The following IL19 variants were observed in gnomAD, a reference collection of about 807,000 sequenced individuals.
The protein encoded by IL19 is interleukin-19.
IL19 carries 15 observed loss-of-function variants against 19.5 expected under a neutral mutation model. The observed-to-expected ratio is 0.77, with a 90% CI of 0.52 to 1.19. IL19 has a LOEUF of 1.19. Among genes scored for constraint, IL19 ranks in the 50% most tolerant of loss-of-function variants. The pLI is 0.00. For missense variants in IL19, 199 were observed against 213.1 expected (o/e 0.93, Z 0.41); for synonymous variants, 78 against 78.3 (o/e 1.00, Z 0.02).
chr1:206,793,465 C>G (rs1054680851), intron 1 of IL19, among the ~76,000 whole-genome samples: 1 of 152,176 alleles, frequency 6.6e-6, no homozygotes, highest in Non-Finnish European at 1.5e-5. Flanking sequence ...GCCTGGCAGT[C>G]GTGCTCTGAT....
rs1293676225 is a variant in IL19 at position 206,842,942 on chromosome 1, G to A, written c.*320G>A. On this transcript the variant is annotated 3_prime_UTR_variant, in exon 7 of 7. Transcript: ENST00000659997. ...GATATCCTGTAGTACACATTGTACT[G>A]AGTGGTTTTTCTGAATAAATTCCAT... 5.6e-6 allele frequency: 1 copy of A among 179,384 alleles called. No homozygotes were observed. The highest frequency in any genetic ancestry group is 1.2e-5 in the Non-Finnish European group (1 of 85,918). 11.1% of individuals were successfully genotyped at this position (179,384 alleles called of 1,614,324 possible). A position where few individuals can be genotyped will look rare whatever the true frequency, so the allele number is the denominator to read the frequency against.
chr1:206,805,563 A>G (rs1301277100), intron 2 of IL19, among the ~76,000 whole-genome samples: 1 of 152,266 alleles, frequency 6.6e-6, no homozygotes, highest in Non-Finnish European at 1.5e-5. Flanking sequence ...CCAAAATGGA[A>G]GCCATAGCTT....
At chr1:206,781,918 TAGTTATATATACATATATATGTATATA>T (rs1675146938) in intron 1 of IL19, among the ~76,000 whole-genome samples, 19 of 106,740 alleles carry the variant, frequency 1.8e-4, no homozygotes, top group African/African-American at 6.6e-4. Context: ...TATATGTATA[TAGTTATATATACATATATATGTATATA>T]GTTATATATA....
chr1:206,786,735 G>C (rs1034618759), intron 1 of IL19, among the ~76,000 whole-genome samples: 7 of 152,062 alleles, frequency 4.6e-5, no homozygotes, highest in Non-Finnish European at 4.4e-5. Flanking sequence ...AAGGGATGCT[G>C]AGCTCTTCAT....
intron 2 of IL19, among the ~76,000 whole-genome samples, chr1:206,815,949 G>GA (rs1263942782): frequency 6.6e-6 from 1 of 151,870 alleles, no homozygotes; most frequent in African/African-American, 2.4e-5. Context: ...ATGTTGATGA[G>GA]AAAAAAATGC....
At position 206,838,494 on chromosome 1, in the gene IL19, T is replaced by C. The variant is rs139389198; in HGVS notation, c.211-1356T>C. Among the ~76,000 whole-genome samples the C allele has an allele frequency of 7.9e-5, 12 of 152,328 alleles. No individual in the cohort carries two copies. In the East Asian group the frequency reaches 2.3e-3, roughly 29 times the overall value. On this transcript the variant is annotated intron_variant, in intron 4 of 6. Coordinates refer to ENST00000659997, the MANE Select transcript of IL19 (RefSeq NM_153758.5). ...TACTAAATAATATTCTAGCCAACTGTATTATAGACACAGAAGATATGACAG... is the reference window on the plus strand; with the variant it reads ...TACTAAATAATATTCTAGCCAACTGCATTATAGACACAGAAGATATGACAG...
At chr1:206,822,933 C>CT (rs1051805832) in intron 2 of IL19, among the ~76,000 whole-genome samples, 93 of 147,876 alleles carry the variant, frequency 6.3e-4, no homozygotes, top group South Asian at 1.5e-3. Flanking sequence ...CTTTTTCTTT[C>CT]TTTTTTTTTT....
At chr1:206,815,124 CTGCCAGAGCAGTGGGCTG>C (rs916033685) in intron 2 of IL19, among the ~76,000 whole-genome samples, 1 of 152,220 alleles carries the variant, frequency 6.6e-6, no homozygotes, top group Non-Finnish European at 1.5e-5. Context: ...TCTGGGAGCT[CTGCCAGAGCAGTGGGCTG>C]TGAACCTCCT....
At chr1:206,815,773 C>G (rs1676139451) in intron 2 of IL19, among the ~76,000 whole-genome samples, 1 of 152,236 alleles carries the variant, frequency 6.6e-6, no homozygotes, top group African/African-American at 2.4e-5. Flanking sequence ...TAGCAAATTT[C>G]TCATTGGAAG....
chr1:206,792,542 C>T (rs1429884741), intron 1 of IL19, among the ~76,000 whole-genome samples: 5 of 152,098 alleles, frequency 3.3e-5, no homozygotes, highest in Admixed American at 2.6e-4. Context: ...CTGCAAACTC[C>T]GCTTCCTGGG....
intron 2 of IL19, among the ~76,000 whole-genome samples, chr1:206,803,132 T>C (rs1211531036): frequency 7.9e-5 from 12 of 152,324 alleles, no homozygotes; most frequent in Middle Eastern, 3.4e-3. Flanking sequence ...AACATCTTTT[T>C]GTGGGGCTTG....
intron 5 of IL19, chr1:206,840,276 C>A: frequency 1.7e-6 from 1 of 592,796 alleles, no homozygotes; most frequent in Non-Finnish European, 3.2e-6. Context: ...AGAGGCATGG[C>A]AAGGACTCCA....
intron 1 of IL19, chr1:206,772,258 G>A: frequency 4.3e-6 from 7 of 1,611,426 alleles, no homozygotes; most frequent in Non-Finnish European, 5.9e-6. Flanking sequence ...GGACAGGAAG[G>A]AATCATACTC....
chr1:206,832,135 G>A (rs937707422), intron 2 of IL19, among the ~76,000 whole-genome samples: 5 of 152,220 alleles, frequency 3.3e-5, no homozygotes, highest in Non-Finnish European at 5.9e-5. Context: ...GGAGATTCCC[G>A]AGGTCAAGAG....
chr1:206,834,926 C>A (rs573341752), intron 2 of IL19, among the ~76,000 whole-genome samples: 8 of 152,268 alleles, frequency 5.3e-5, no homozygotes, highest in South Asian at 2.1e-4. Context: ...CAGGTTACTT[C>A]ATTTTTTTGG....
chr1:206,788,969 A>C (rs1487948249), intron 1 of IL19, among the ~76,000 whole-genome samples: 1 of 152,250 alleles, frequency 6.6e-6, no homozygotes, highest in African/African-American at 2.4e-5. Context: ...GGGTCTGGTC[A>C]GTTTTACCAT....
intron 2 of IL19, among the ~76,000 whole-genome samples, chr1:206,829,715 A>G (rs1239223652): frequency 6.6e-6 from 1 of 151,998 alleles, no homozygotes; most frequent in African/African-American, 2.4e-5. Context: ...TGTTCAGGAG[A>G]GGAATGGGGA....
intron 2 of IL19, 29 bp from the exon 3 acceptor site, chr1:206,836,632 G>A (rs1676804643): frequency 6.3e-7 from 1 of 1,579,112 alleles, no homozygotes; most frequent in Non-Finnish European, 8.6e-7. Flanking sequence ...ACTCTTGGCT[G>A]GACAGCTGAC....
chr1:206,807,381 A>T (rs897631128), intron 2 of IL19, among the ~76,000 whole-genome samples: 1 of 152,070 alleles, frequency 6.6e-6, no homozygotes, highest in Non-Finnish European at 1.5e-5. Context: ...GCCCAGCCAC[A>T]CTATCCTCTA....
Sources: allele counts gnomAD v4.1 joint callset (sites outside exome capture counted in the v4.1 genomes callset), GRCh38; gene constraint gnomAD v4.1.1; transcripts MANE v1.5; gene names NCBI Gene and HGNC (gene_info 2026-07-23, HGNC 2026-07-21).